The following MICU3 variants were observed in gnomAD, a reference collection of about 807,000 sequenced individuals.
MICU3 encodes mitochondrial calcium uptake 3.
MICU3 carries 62 observed loss-of-function variants against 66.5 expected under a neutral mutation model. The observed-to-expected ratio is 0.93, with a 90% CI of 0.76 to 1.15. The LOEUF (loss-of-function observed/expected upper bound fraction) is 1.15, where lower values mean the gene tolerates loss of function less well. Ranked by LOEUF, MICU3 falls within the 50% of genes most tolerant of loss-of-function variation. The pLI, the probability that MICU3 is intolerant of heterozygous loss-of-function variation, is 0.00. For synonymous variants in MICU3, 308 were observed against 240.7 expected, an observed-to-expected ratio of 1.28 and a Z score of -2.59; for missense variants, 779 against 664.4, an observed-to-expected ratio of 1.17 and a Z score of -1.90.
intron 8 of MICU3, among the ~76,000 whole-genome samples, chr8:17,096,394 C>A (rs1237936618): frequency 6.6e-6 from 1 of 151,800 alleles, no homozygotes; most frequent in Non-Finnish European, 1.5e-5. Context: ...GATAAAACTT[C>A]CTACTAGTTT....
At chr8:17,032,499 A>G (rs1203177383) in intron 1 of MICU3, among the ~76,000 whole-genome samples, 3 of 152,204 alleles carry the variant, frequency 2.0e-5, no homozygotes, top group Admixed American at 6.5e-5. Context: ...CAAGCAACAT[A>G]TTTGAGTATT....
chr8:17,117,507 T>C (rs1802796692), intron 13 of MICU3, among the ~76,000 whole-genome samples: 1 of 152,092 alleles, frequency 6.6e-6, no homozygotes, highest in Admixed American at 6.5e-5. Flanking sequence ...TAACATATTA[T>C]GGATGTGCCA....
At chr8:17,090,442 C>A in intron 7 of MICU3, 104 bp from the exon 8 acceptor site, 1 of 914,922 alleles carries the variant, frequency 1.1e-6, no homozygotes, top group Non-Finnish European at 1.7e-6. Flanking sequence ...ATGATTTGCC[C>A]TTCCTAATTG....
chr8:17,046,311 T>G (rs1815074700), intron 1 of MICU3, among the ~76,000 whole-genome samples: 1 of 152,176 alleles, frequency 6.6e-6, no homozygotes, highest in Non-Finnish European at 1.5e-5. Flanking sequence ...ACTGATTGAT[T>G]GCTTGATGAT....
intron 11 of MICU3, among the ~76,000 whole-genome samples, chr8:17,107,567 G>T (rs3915068): frequency 0.25 from 37,365 of 151,880 alleles, 4,781 homozygotes; most frequent in East Asian, 0.4. Flanking sequence ...AAACTTTAAA[G>T]CAGGAGTCAG....
intron 11 of MICU3, among the ~76,000 whole-genome samples, chr8:17,113,569 T>C (rs369894998): frequency 1.3e-5 from 2 of 152,336 alleles, no homozygotes; most frequent in South Asian, 4.1e-4. Flanking sequence ...GGCAGTGCTA[T>C]AGTGACAGGA....
At chr8:17,107,759 C>A (rs1202569909) in intron 11 of MICU3, among the ~76,000 whole-genome samples, 2 of 152,124 alleles carry the variant, frequency 1.3e-5, no homozygotes, top group Non-Finnish European at 2.9e-5. Context: ...AGTTTGTGAA[C>A]CTTGCTTTAG....
chr8:17,120,092 C>G (rs1164830749), intron 14 of MICU3, among the ~76,000 whole-genome samples, 196 bp from the exon 15 acceptor site: 2 of 152,154 alleles, frequency 1.3e-5, no homozygotes, highest in Non-Finnish European at 2.9e-5. Flanking sequence ...CTACCTTTCT[C>G]TAAGCCTAAG....
At chr8:17,116,682 A>T in intron 13 of MICU3, 82 bp downstream of exon 13, 1 of 1,052,714 alleles carries the variant, frequency 9.5e-7, no homozygotes, top group Non-Finnish European at 1.4e-6. Context: ...GAAATAATTT[A>T]TCTTAATTTC....
chr8:17,121,760 ATTGT>A lies in MICU3; in HGVS notation c.*1476_*1479del, dbSNP rs1353611835. The A allele has an allele frequency of 2.0e-5, 3 of 152,158 alleles. No individual in the cohort carries two copies. Among genetic ancestry groups the A allele is most frequent in the East Asian group, 3.9e-4 (2 of 5,194 alleles). The allele number at this position is 152,158 out of a possible 1,614,324, so 9.4% of individuals were successfully genotyped here. ...TGATTTTGTATGTTAGACTTTTTACATTGTTTATCTAATATTATTTATGACAGTA... is the reference window on the plus strand; with the variant it reads ...TGATTTTGTATGTTAGACTTTTTACATTATCTAATATTATTTATGACAGTA... On this transcript the variant is annotated 3_prime_UTR_variant, in exon 15 of 15. Coordinates refer to ENST00000318063, the MANE Select transcript of MICU3 (RefSeq NM_181723.3).
At chr8:17,041,219 C>G (rs370008890) in intron 1 of MICU3, among the ~76,000 whole-genome samples, 3 of 150,920 alleles carry the variant, frequency 2.0e-5, no homozygotes, top group East Asian at 3.9e-4. Context: ...ACTTAAAGGA[C>G]CGGCAGAGAA....
intron 13 of MICU3, 22 bp from the exon 14 acceptor site, chr8:17,118,685 A>C (rs772165859): frequency 6.5e-7 from 1 of 1,534,830 alleles, no homozygotes; most frequent in African/African-American, 1.4e-5. Flanking sequence ...ACATTTGCAC[A>C]CTTTGCTCTT....
intron 8 of MICU3, among the ~76,000 whole-genome samples, chr8:17,094,176 T>C (rs1800411432): frequency 6.6e-6 from 1 of 152,026 alleles, no homozygotes; most frequent in South Asian, 2.1e-4. Flanking sequence ...TTCTGTCTCG[T>C]TTCTTGGACC....
chr8:17,044,280 T>C (rs1404830560), intron 1 of MICU3, among the ~76,000 whole-genome samples: 1 of 152,190 alleles, frequency 6.6e-6, no homozygotes, highest in African/African-American at 2.4e-5. Context: ...AGTAGGAGGC[T>C]GTTGTTTGGT....
At chr8:17,123,500 G>A (rs17124130), downstream of MICU3, among the ~76,000 whole-genome samples, 3,862 of 152,154 alleles carry the variant, frequency 0.025, 192 homozygotes, top group African/African-American at 0.089. Flanking sequence ...AAGTTAAAAT[G>A]ACAACATATC....
chr8:17,115,469 A>G (rs890854979), intron 12 of MICU3, among the ~76,000 whole-genome samples: 1 of 152,198 alleles, frequency 6.6e-6, no homozygotes, highest in Non-Finnish European at 1.5e-5. Flanking sequence ...TCAGAATAGA[A>G]AAGTTGTTTG....
intron 1 of MICU3, among the ~76,000 whole-genome samples, chr8:17,033,918 G>C (rs1044541886): frequency 9.9e-5 from 15 of 152,136 alleles, no homozygotes; most frequent in African/African-American, 2.9e-4. Context: ...ATCTAGCTAG[G>C]ATAACTGATG....
intron 5 of MICU3, among the ~76,000 whole-genome samples, chr8:17,082,132 T>G (rs1821276092): frequency 6.7e-6 from 1 of 150,120 alleles, no homozygotes; most frequent in Non-Finnish European, 1.5e-5. Context: ...ATACCCATCA[T>G]TCACATCTAA....
In MICU3 at chr8:17,118,255, AC is replaced by A. The variant is rs1401733846; in HGVS notation, c.1525-451del. Among the ~76,000 whole-genome samples, 6 of 152,114 alleles carry A rather than the reference AC, an allele frequency of 3.9e-5. 1 individual carries two copies. The highest frequency in any genetic ancestry group is 1.4e-4 in the African/African-American group (6 of 41,400). On this transcript the variant is annotated intron_variant, in intron 13 of 14. Transcript: ENST00000318063. Reference sequence around the variant, plus strand: ...ACCTGTGGCCTTTAGCATTTTATTTACATTTGCCCTTTTTTTAATTTTTATT... The same window carrying A: ...ACCTGTGGCCTTTAGCATTTTATTTAATTTGCCCTTTTTTTAATTTTTATT...
Sources: allele counts gnomAD v4.1 joint callset (sites outside exome capture counted in the v4.1 genomes callset), GRCh38; gene constraint gnomAD v4.1.1; transcripts MANE v1.5; gene names NCBI Gene and HGNC (gene_info 2026-07-23, HGNC 2026-07-21).